Variants in CNTN5 observed in about 807,000 individuals in gnomAD.
CNTN5 encodes the protein contactin-5.
CNTN5 carries 77 observed loss-of-function variants against 129.1 expected under a neutral mutation model. That is an observed-to-expected ratio of 0.60 (90% CI 0.50 to 0.72). The LOEUF (loss-of-function observed/expected upper bound fraction) is 0.72. CNTN5 is among the 30% of genes least tolerant of loss of function. The pLI is 0.00. For missense variants in CNTN5, 1,478 were observed against 1,328.8 expected (o/e 1.11, Z -1.75); for synonymous variants, 509 against 465.6 (o/e 1.09, Z -1.20).
intron 15 of CNTN5, among the ~76,000 whole-genome samples, chr11:100,217,220 T>C (rs999978381): frequency 3.9e-5 from 6 of 152,064 alleles, no homozygotes; most frequent in Non-Finnish European, 7.4e-5. Flanking sequence ...CATGTGTAGA[T>C]CAAGTATGAT....
chr11:99,968,764 C>T (rs536644134), intron 8 of CNTN5, among the ~76,000 whole-genome samples: 41 of 128,372 alleles, frequency 3.2e-4, no homozygotes, highest in Non-Finnish European at 4.5e-4. Context: ...TTTCTCTAAT[C>T]TTGGTTCAGA....
intron 3 of CNTN5, among the ~76,000 whole-genome samples, chr11:99,647,832 C>G (rs561520911): frequency 3.0e-4 from 45 of 151,438 alleles, no homozygotes; most frequent in African/African-American, 9.9e-4. Flanking sequence ...TATTCAGCTA[C>G]TTTGTTATTT....
At chr11:99,534,140 A>C (rs1174820867) in intron 2 of CNTN5, among the ~76,000 whole-genome samples, 1 of 152,268 alleles carries the variant, frequency 6.6e-6, no homozygotes, top group Non-Finnish European at 1.5e-5. Flanking sequence ...AGAAGGATTA[A>C]GTTGAGACCC....
chr11:100,038,781 G>A (rs1295351344), intron 9 of CNTN5, among the ~76,000 whole-genome samples: 2 of 152,112 alleles, frequency 1.3e-5, no homozygotes, highest in South Asian at 2.1e-4. Context: ...TCAGAGACTA[G>A]GATTGCAACC....
At chr11:100,100,178 T>G (rs1207670772) in intron 13 of CNTN5, among the ~76,000 whole-genome samples, 1 of 152,120 alleles carries the variant, frequency 6.6e-6, no homozygotes, top group African/African-American at 2.4e-5. Flanking sequence ...TCTGACCCAA[T>G]GCACTGTAAA....
intron 7 of CNTN5, among the ~76,000 whole-genome samples, chr11:99,928,014 G>A (rs975066181): frequency 6.6e-6 from 1 of 152,162 alleles, no homozygotes; most frequent in Non-Finnish European, 1.5e-5. Context: ...CATTCCAAAT[G>A]GGAGAAATTG....
At chr11:99,622,821 T>G (rs1222910986) in intron 3 of CNTN5, among the ~76,000 whole-genome samples, 1 of 136,512 alleles carries the variant, frequency 7.3e-6, no homozygotes, top group Non-Finnish European at 1.6e-5. Flanking sequence ...CTGTTTCACC[T>G]TTTTATTAGA....
intron 7 of CNTN5, among the ~76,000 whole-genome samples, chr11:99,939,361 T>C (rs570067320): frequency 1.3e-5 from 2 of 152,184 alleles, no homozygotes; most frequent in East Asian, 3.9e-4. Context: ...ACATATTTTG[T>C]TATTTTAAAA....
At chr11:100,071,867 A>C (rs1943935939) in intron 12 of CNTN5, 33 bp downstream of exon 12, 8 of 1,540,478 alleles carry the variant, frequency 5.2e-6, no homozygotes, top group African/African-American at 1.4e-5. Flanking sequence ...AATTGAAAAA[A>C]AAAACCTTGC....
At chr11:100,291,568 T>C (rs1330501094) in intron 18 of CNTN5, among the ~76,000 whole-genome samples, 2 of 150,926 alleles carry the variant, frequency 1.3e-5, no homozygotes, top group African/African-American at 4.9e-5. Context: ...TGAGATCACA[T>C]GGACACAGGA....
intron 13 of CNTN5, among the ~76,000 whole-genome samples, chr11:100,094,573 T>C (rs1944919917): frequency 6.6e-6 from 1 of 152,024 alleles, no homozygotes; most frequent in Admixed American, 6.6e-5. Context: ...GGTGATTTAA[T>C]TTTCTGGGTT....
intron 13 of CNTN5, among the ~76,000 whole-genome samples, chr11:100,135,302 A>G (rs57386914): frequency 0.027 from 4,086 of 151,212 alleles, 179 homozygotes; most frequent in African/African-American, 0.094. Flanking sequence ...CAGCCTCCCA[A>G]GTAGCTGGGA....
chr11:99,415,200 G>A (rs965186087), intron 2 of CNTN5, among the ~76,000 whole-genome samples: 13 of 152,198 alleles, frequency 8.5e-5, no homozygotes, highest in Admixed American at 2.0e-4. Flanking sequence ...TTTAATCAAA[G>A]TTTTACACAA....
At chr11:99,787,629 T>C (rs1945581911) in intron 3 of CNTN5, among the ~76,000 whole-genome samples, 1 of 151,802 alleles carries the variant, frequency 6.6e-6, no homozygotes, top group South Asian at 2.1e-4. Flanking sequence ...AGAACAGAAA[T>C]GGTTTACAAT....
At chr11:100,106,757 T>C (rs1411232321) in intron 13 of CNTN5, among the ~76,000 whole-genome samples, 1 of 152,268 alleles carries the variant, frequency 6.6e-6, no homozygotes, top group African/African-American at 2.4e-5. Context: ...TTAAATTGTT[T>C]CTGGGGACAA....
intron 1 of CNTN5, among the ~76,000 whole-genome samples, chr11:99,105,074 T>A (rs1866932611): frequency 6.6e-6 from 1 of 152,114 alleles, no homozygotes; most frequent in Admixed American, 6.5e-5. Flanking sequence ...TAAAAGAAGT[T>A]TAGCATTCTT....
intron 16 of CNTN5, among the ~76,000 whole-genome samples, chr11:100,250,842 T>C (rs1949948604): frequency 6.6e-6 from 1 of 152,194 alleles, no homozygotes; most frequent in Non-Finnish European, 1.5e-5. Context: ...AGAACTTTAA[T>C]ACTCAGAGAG....
intron 18 of CNTN5, among the ~76,000 whole-genome samples, chr11:100,281,993 T>G (rs1441709931): frequency 1.7e-5 from 2 of 114,832 alleles, no homozygotes; most frequent in Non-Finnish European, 3.5e-5. Flanking sequence ...TTCTTGGCAT[T>G]CTATTTTTTT....
intron 3 of CNTN5, among the ~76,000 whole-genome samples, chr11:99,636,633 C>A (rs1036992084): frequency 2.0e-5 from 3 of 151,926 alleles, no homozygotes; most frequent in Non-Finnish European, 4.4e-5. Context: ...CTGTTAGTTG[C>A]CTGTGTTCTT....
Sources: gnomAD v4.1 joint callset for allele counts (sites outside exome capture counted in the v4.1 genomes callset) on GRCh38, gnomAD v4.1.1 for gene constraint, MANE v1.5 for transcripts, NCBI Gene and HGNC (gene_info 2026-07-23, HGNC 2026-07-21) for gene names.